CHD7: variants seen among roughly 807,000 people sequenced by gnomAD.
The protein encoded by CHD7 is chromodomain helicase DNA binding protein 7.
In CHD7, 24 loss-of-function variants were observed where a neutral mutation model predicts 307.3. The ratio of observed to expected loss-of-function variants is 0.08; its 90% CI spans 0.06 to 0.11. The LOEUF is 0.11. CHD7 is among the 10% of genes least tolerant of loss of function. The pLI is 1.00. For synonymous variants in CHD7, 1,363 were observed against 1,349.9 expected, an observed-to-expected ratio of 1.01 and a Z score of -0.21; for missense variants, 3,106 against 3,727.1, an observed-to-expected ratio of 0.83 and a Z score of 4.34.
chr8:60,764,391 G>A (rs1027111350), intron 2 of CHD7, among the ~76,000 whole-genome samples: 2 of 152,166 alleles, frequency 1.3e-5, no homozygotes, highest in African/African-American at 4.8e-5. Flanking sequence ...AAAGAAGTAA[G>A]ATTGAGATAG....
At chr8:60,746,854 C>T (rs1159504402) in intron 2 of CHD7, among the ~76,000 whole-genome samples, 9 of 152,026 alleles carry the variant, frequency 5.9e-5, no homozygotes, top group Admixed American at 2.6e-4. Context: ...CTAGACTTTT[C>T]GATTATTTGA....
At chr8:60,709,910 T>G (rs561732679) in intron 1 of CHD7, among the ~76,000 whole-genome samples, 1 of 152,352 alleles carries the variant, frequency 6.6e-6, no homozygotes, top group East Asian at 1.9e-4. Context: ...TGTATAAATT[T>G]ATGTATACCT....
At chr8:60,862,674 A>G (rs1266177851) in intron 37 of CHD7, 22 bp downstream of exon 37, 1 of 1,469,222 alleles carries the variant, frequency 6.8e-7, no homozygotes, top group Non-Finnish European at 9.3e-7. Context: ...CTGCATTTCT[A>G]TCAAGAAAGG....
chr8:60,850,167 CT>C (rs1221624198), intron 25 of CHD7, among the ~76,000 whole-genome samples: 7 of 152,164 alleles, frequency 4.6e-5, no homozygotes, highest in African/African-American at 1.4e-4. Flanking sequence ...ATTGCGAATC[CT>C]TCTAAATGTC....
intron 1 of CHD7, among the ~76,000 whole-genome samples, chr8:60,731,070 A>G (rs539450993): frequency 8.5e-5 from 13 of 152,252 alleles, no homozygotes; most frequent in African/African-American, 3.1e-4. Context: ...TATCAGGTCA[A>G]CTGTGGCAGT....
chr8:60,689,058 T>A (rs1044235691), intron 1 of CHD7, among the ~76,000 whole-genome samples: 5 of 152,176 alleles, frequency 3.3e-5, no homozygotes, highest in African/African-American at 9.7e-5. Context: ...GTAGCCTACT[T>A]AGAATCTCAC....
intron 1 of CHD7, among the ~76,000 whole-genome samples, chr8:60,723,163 G>A (rs1235530297): frequency 1.3e-5 from 2 of 151,846 alleles, no homozygotes; most frequent in African/African-American, 4.8e-5. Flanking sequence ...AAGCCTTTAA[G>A]TATCAGAAAA....
In CHD7 at chr8:60,844,822, A is replaced by G. The variant is rs767674556; in HGVS notation, c.4851-42A>G. 3 of 1,500,472 alleles carry G rather than the reference A, an allele frequency of 2.0e-6. No individual in the cohort carries two copies. The South Asian group carries it at 4.1e-5, about 21-fold the overall frequency. 92.9% of individuals were successfully genotyped at this position (1,500,472 alleles called of 1,614,324 possible). ...TGACTTAAAGTAAAGCCATAAATCAAAACTCACAGGCACCTCTGCATGCTG... is the reference window on the plus strand; with the variant it reads ...TGACTTAAAGTAAAGCCATAAATCAGAACTCACAGGCACCTCTGCATGCTG... On this transcript the variant is annotated intron_variant, in intron 21 of 37. Transcript: ENST00000423902.
chr8:60,823,105 T>C (rs1804116937), intron 12 of CHD7, among the ~76,000 whole-genome samples: 1 of 152,230 alleles, frequency 6.6e-6, no homozygotes, highest in Non-Finnish European at 1.5e-5. Flanking sequence ...TATTTTATTA[T>C]GCTATTGCTA....
chr8:60,814,832 C>T (rs1803651335), intron 7 of CHD7, among the ~76,000 whole-genome samples: 1 of 152,176 alleles, frequency 6.6e-6, no homozygotes. Context: ...TTGAGTATCC[C>T]TTATCTGGAA....
rs1805311016 is a variant in CHD7, at chr8:60,848,531, C to T, written c.5227C>T (p.Arg1743Cys). The change falls in exon 24 of 38, where the codon CGC becomes TGC. Residue 1743 changes from arginine to cysteine, a missense_variant. Coordinates refer to ENST00000423902, the MANE Select transcript of CHD7 (RefSeq NM_017780.4). ...HHCNKVLLRV[R>C]MLYYLRQEVI... ...CCTCTCCAGGGTCCTGCTGCGTGTC[C>T]GCATGCTGTACTACCTAAGACAAGA... 5 of 1,613,266 alleles carry T rather than the reference C, an allele frequency of 3.1e-6. No individual in the cohort carries two copies. Among genetic ancestry groups the T allele is most frequent in the Non-Finnish European group, 3.4e-6 (4 of 1,179,530 alleles).
chr8:60,848,730 AT>A, intron 24 of CHD7, 126 bp downstream of exon 24: 1 of 766,328 alleles, frequency 1.3e-6, no homozygotes, highest in South Asian at 1.5e-5. Flanking sequence ...TGCATCTTGA[AT>A]GCAGTATTTG....
chr8:60,824,382 G>A (rs1804177338), intron 13 of CHD7: 1 of 308,824 alleles, frequency 3.2e-6, no homozygotes, highest in African/African-American at 2.1e-5. Flanking sequence ...GCTCATTGGA[G>A]CATTTTGGAT....
chr8:60,837,590 G>A (rs1177419568), intron 17 of CHD7, 78 bp from the exon 18 acceptor site: 1 of 1,267,376 alleles, frequency 7.9e-7, no homozygotes, highest in African/African-American at 1.5e-5. Context: ...TGGAATGAGG[G>A]TTTCAGCATA....
Position 60,689,399 on chromosome 8 carries a change from G to A in CHD7, c.-175+10317G>A, listed in dbSNP as rs150495528. ...CTATTTCTGCTGAATCCTAAAGTAG[G>A]ATTAGTCAAAATGCTGAGGTAGGAA... On this transcript the variant is annotated intron_variant, in intron 1 of 37. Transcript: ENST00000423902. 2.4e-3 allele frequency among the ~76,000 whole-genome samples: 358 copies of A among 152,324 alleles called. 2 individuals are homozygous for A. The highest frequency in any genetic ancestry group is 8.0e-3 in the African/African-American group (334 of 41,572).
chr8:60,823,290 G>C (rs1391684515), intron 12 of CHD7, among the ~76,000 whole-genome samples: 1 of 152,114 alleles, frequency 6.6e-6, no homozygotes, highest in African/African-American at 2.4e-5. Flanking sequence ...TGTTATAAAT[G>C]ACATGATAAG....
At chr8:60,774,515 GGCAGCTTTGCTGGCCCAGC>G (rs1448478038) in intron 2 of CHD7, among the ~76,000 whole-genome samples, 1 of 152,198 alleles carries the variant, frequency 6.6e-6, no homozygotes, top group Non-Finnish European at 1.5e-5. Context: ...GCCAGGCTGG[GGCAGCTTTGCTGGCCCAGC>G]AGCGTGGCTC....
chr8:60,752,710 AT>A (rs1809698240), intron 2 of CHD7, among the ~76,000 whole-genome samples: 1 of 152,120 alleles, frequency 6.6e-6, no homozygotes, highest in Non-Finnish European at 1.5e-5. Context: ...TAACTTGAAG[AT>A]TTTCTTCCAT....
chr8:60,698,684 T>A (rs1454334348), intron 1 of CHD7, among the ~76,000 whole-genome samples: 1 of 152,252 alleles, frequency 6.6e-6, no homozygotes, highest in Non-Finnish European at 1.5e-5. Context: ...TTGTTAAGGC[T>A]TGCTTTGTTT....
Sources: gnomAD v4.1 joint callset for allele counts (sites outside exome capture counted in the v4.1 genomes callset) on GRCh38, gnomAD v4.1.1 for gene constraint, MANE v1.5 for transcripts, NCBI Gene and HGNC (gene_info 2026-07-23, HGNC 2026-07-21) for gene names.